Variants in CAPN8 observed in about 807,000 individuals in gnomAD.
CAPN8 encodes the protein calpain-8.
In CAPN8, 87 loss-of-function variants were observed where a neutral mutation model predicts 80.9. The ratio of observed to expected loss-of-function variants is 1.07; its 90% CI spans 0.90 to 1.28. The LOEUF (loss-of-function observed/expected upper bound fraction) is 1.28, where lower values mean the gene tolerates loss of function less well. CAPN8 is among the 50% of genes most tolerant of loss of function. The pLI is 0.00. For missense variants in CAPN8, 757 were observed against 702.0 expected, an observed-to-expected ratio of 1.08 and a Z score of -0.89; for synonymous variants, 299 against 273.8, an observed-to-expected ratio of 1.09 and a Z score of -0.91.
In CAPN8 at chr1:223,665,651, G is replaced by A. The variant is rs781497028; in HGVS notation, c.-5C>T. Reference sequence around the variant, plus strand: ...ACCAGCTGCCTGGGCTGCCATGGCCGTGGGCTCTGTAGGGTGGACAGAAGG... The same window carrying A: ...ACCAGCTGCCTGGGCTGCCATGGCCATGGGCTCTGTAGGGTGGACAGAAGG... On this transcript the variant is annotated 5_prime_UTR_variant, in exon 1 of 21. The change creates a new upstream start codon in the 5' untranslated region. Coordinates refer to ENST00000366872, the MANE Select transcript of CAPN8 (RefSeq NM_001143962.2). 44 of 1,550,144 alleles carry A rather than the reference G, an allele frequency of 2.8e-5. 1 individual carries two copies. Among genetic ancestry groups the A allele is most frequent in the Middle Eastern group, 1.8e-4 (1 of 5,460 alleles).
intron 7 of CAPN8, among the ~76,000 whole-genome samples, chr1:223,620,721 C>G (rs1382949262): frequency 2.0e-5 from 3 of 152,140 alleles, no homozygotes; most frequent in African/African-American, 7.2e-5. Flanking sequence ...CAGAGTCTAA[C>G]CAGCTCTGGG....
At chr1:223,663,538 C>G (rs1658706090) in intron 1 of CAPN8, among the ~76,000 whole-genome samples, 1 of 152,234 alleles carries the variant, frequency 6.6e-6, no homozygotes, top group South Asian at 2.1e-4. Flanking sequence ...GCTGAGACCA[C>G]AGCTCCTTCC....
At chr1:223,647,437 A>T (rs1318634629) in intron 2 of CAPN8, among the ~76,000 whole-genome samples, 1 of 152,324 alleles carries the variant, frequency 6.6e-6, no homozygotes, top group East Asian at 1.9e-4. Flanking sequence ...TTCTTTTCAC[A>T]TGTAAAATGT....
intron 14 of CAPN8, among the ~76,000 whole-genome samples, chr1:223,552,384 C>T (rs78431039): frequency 1.1e-4 from 16 of 151,910 alleles, no homozygotes; most frequent in Admixed American, 6.6e-4. Flanking sequence ...GCCAATATGG[C>T]GAAACCCTGT....
chr1:223,643,000 T>C lies in CAPN8; in HGVS notation c.307+11330A>G, dbSNP rs186309962. Among the ~76,000 whole-genome samples, 480 of 152,306 alleles carry C rather than the reference T, an allele frequency of 3.2e-3. 4 individuals are homozygous for C. Among genetic ancestry groups the C allele is most frequent in the Non-Finnish European group, 4.2e-3 (284 of 68,032 alleles). On this transcript the variant is annotated intron_variant, in intron 2 of 20. Coordinates refer to ENST00000366872, the MANE Select transcript of CAPN8 (RefSeq NM_001143962.2). ...ACCAGAGGGAGAAAAACCCACTGAG[T>C]AAATATATTTGAGGCTTATGTAAAC...
chr1:223,626,978 A>G lies in CAPN8; in HGVS notation c.729+11T>C, dbSNP rs1482350475. ...GGGGAGGTGGGGCAGTAGAGAAGCC[A>G]TATGCCTCACATCAATGGAGCAGCC... On this transcript the variant is annotated intron_variant, in intron 5 of 20. Transcript: ENST00000366872. The G allele has an allele frequency of 7.1e-6, 11 of 1,549,842 alleles. No homozygotes were observed. In the East Asian group the frequency reaches 2.2e-4, roughly 31 times the overall value.
intron 1 of CAPN8, among the ~76,000 whole-genome samples, chr1:223,665,193 C>T (rs1259212685): frequency 2.6e-5 from 4 of 152,106 alleles, no homozygotes; most frequent in Non-Finnish European, 5.9e-5. Flanking sequence ...GTAGAGGTTG[C>T]AGTGAGCTGA....
chr1:223,640,588 C>T lies in CAPN8; in HGVS notation c.308-11808G>A, dbSNP rs73125630. Among the ~76,000 whole-genome samples, 817 of 152,250 alleles carry T rather than the reference C, an allele frequency of 5.4e-3. 10 individuals carry two copies. The highest frequency in any genetic ancestry group is 0.018 in the African/African-American group (742 of 41,542). On this transcript the variant is annotated intron_variant, in intron 2 of 20. Transcript: ENST00000366872. ...CCATTCTGATTCCTTTTCCTCACTC[C>T]ATTCATATCGAATTGCTTCCCAAGT...
At chr1:223,649,757 T>G (rs1658296347) in intron 2 of CAPN8, among the ~76,000 whole-genome samples, 1 of 152,186 alleles carries the variant, frequency 6.6e-6, no homozygotes, top group Non-Finnish European at 1.5e-5. Flanking sequence ...ATAACGATGA[T>G]AGGCAGGGAT....
chr1:223,550,629 T>G (rs73130104), intron 15 of CAPN8, among the ~76,000 whole-genome samples: 1,796 of 152,284 alleles, frequency 0.012, 36 homozygotes, highest in African/African-American at 0.04. Flanking sequence ...ATTAATTTTG[T>G]GAAAAAAATT....
chr1:223,622,160 C>T (rs1407839552), intron 7 of CAPN8, among the ~76,000 whole-genome samples: 2 of 152,208 alleles, frequency 1.3e-5, no homozygotes, highest in Non-Finnish European at 2.9e-5. Flanking sequence ...GCCAGGCCAG[C>T]TGTGCTCACT....
rs1245533105 is a variant in CAPN8 at position 223,625,856 on chromosome 1, G to T, written c.762C>A (p.Thr254=). The T allele has an allele frequency of 6.4e-7, 1 of 1,551,588 alleles. No individual in the cohort carries two copies. Among genetic ancestry groups the T allele is most frequent in the Non-Finnish European group, 8.7e-7 (1 of 1,146,860 alleles). Residue 254 remains threonine (T), a synonymous_variant, in exon 6 of 21, where the codon ACC becomes ACA. Transcript: ENST00000366872. ...CATGACTCTTAACCAGCTTCTGGCT[G>T]GTGATGGCTTCGGCTTCGGCTGCAC... ...VSSAAEAEAI[T]SQKLVKSHAY...
At chr1:223,613,427 G>A (rs189450479) in intron 10 of CAPN8, among the ~76,000 whole-genome samples, 103 of 152,342 alleles carry the variant, frequency 6.8e-4, no homozygotes, top group African/African-American at 2.1e-3. Flanking sequence ...CACATGGGCC[G>A]TCTTTCCACA....
chr1:223,547,859 G>A lies in CAPN8; in HGVS notation c.1764+1459C>T, dbSNP rs113812086. Among the ~76,000 whole-genome samples, 1,178 of 152,342 alleles carry A rather than the reference G, an allele frequency of 7.7e-3. 11 individuals carry two copies. The highest frequency in any genetic ancestry group is 0.017 in the Middle Eastern group (5 of 294). On this transcript the variant is annotated intron_variant, in intron 16 of 20. Transcript: ENST00000366872. ...GATGGGGTTTGATGAGAATGATTCA[G>A]AAACCAGGGAACTATTTGCAGTAAA...
At chr1:223,556,658 A>T (rs1327399823) in intron 13 of CAPN8, among the ~76,000 whole-genome samples, 1 of 152,142 alleles carries the variant, frequency 6.6e-6, no homozygotes, top group Non-Finnish European at 1.5e-5. Flanking sequence ...GGACGTGGAG[A>T]TGGGAAGCCC....
chr1:223,549,816 CTT>C, intron 15 of CAPN8, among the ~76,000 whole-genome samples: 1 of 152,324 alleles, frequency 6.6e-6, no homozygotes, highest in South Asian at 2.1e-4. Context: ...AAACAGCTAA[CTT>C]TATATGGCTA....
At chr1:223,656,673 TTTG>T (rs1282910509) in intron 1 of CAPN8, among the ~76,000 whole-genome samples, 1 of 82,470 alleles carries the variant, frequency 1.2e-5, no homozygotes, top group Non-Finnish European at 2.6e-5. Flanking sequence ...TTTGGGTTTT[TTTG>T]TTTTGTTTTT....
At chr1:223,636,918 C>T (rs1453585720) in intron 2 of CAPN8, among the ~76,000 whole-genome samples, 14 of 152,174 alleles carry the variant, frequency 9.2e-5, no homozygotes, top group South Asian at 2.1e-4. Flanking sequence ...TTCTGGGACC[C>T]GCTTTCTGTT....
At chr1:223,651,432 T>C (rs1658339674) in intron 2 of CAPN8, among the ~76,000 whole-genome samples, 1 of 152,226 alleles carries the variant, frequency 6.6e-6, no homozygotes, top group African/African-American at 2.4e-5. Context: ...CAATCTTTAT[T>C]TTCCTAAAAT....
Sources: gnomAD v4.1 joint callset for allele counts (sites outside exome capture counted in the v4.1 genomes callset) on GRCh38, gnomAD v4.1.1 for gene constraint, MANE v1.5 for transcripts, NCBI Gene and HGNC (gene_info 2026-07-23, HGNC 2026-07-21) for gene names.